SORCS2: variants seen among roughly 807,000 people sequenced by gnomAD.
The protein encoded by SORCS2 is sortilin related VPS10 domain containing receptor 2.
In SORCS2, 100 loss-of-function variants were observed where a neutral mutation model predicts 141.6. That is an observed-to-expected ratio of 0.71 (90% CI 0.60 to 0.83). The LOEUF is 0.83. Among genes scored for constraint, SORCS2 ranks in the 40% least tolerant of loss-of-function variants. The pLI, the probability that SORCS2 is intolerant of heterozygous loss-of-function variation, is 0.00. For synonymous variants in SORCS2, 789 were observed against 676.9 expected (o/e 1.17, Z -2.57); for missense variants, 1,646 against 1,560.2 (o/e 1.05, Z -0.93).
chr4:7,262,707 G>A (rs1221831099), intron 1 of SORCS2, among the ~76,000 whole-genome samples: 1 of 152,220 alleles, frequency 6.6e-6, no homozygotes, highest in East Asian at 1.9e-4. Flanking sequence ...CCATCCTGCT[G>A]AGGGTTCCCA....
chr4:7,505,056 G>A (rs1054132727), intron 2 of SORCS2, among the ~76,000 whole-genome samples: 3 of 152,216 alleles, frequency 2.0e-5, no homozygotes, highest in African/African-American at 2.4e-5. Context: ...AACCTGGAGC[G>A]CCGGGAGGGA....
intron 1 of SORCS2, among the ~76,000 whole-genome samples, chr4:7,249,856 A>T (rs1173082450): frequency 6.6e-6 from 1 of 152,122 alleles, no homozygotes; most frequent in Admixed American, 6.5e-5. Flanking sequence ...GGATTTATCC[A>T]CTCAGATTTG....
intron 1 of SORCS2, among the ~76,000 whole-genome samples, chr4:7,240,271 C>T (rs1471231503): frequency 2.0e-5 from 3 of 152,160 alleles, no homozygotes; most frequent in South Asian, 2.1e-4. Flanking sequence ...TCACCTCCTC[C>T]GGAAGAAGAG....
intron 2 of SORCS2, among the ~76,000 whole-genome samples, chr4:7,442,912 C>T (rs896777552): frequency 3.9e-5 from 6 of 152,060 alleles, no homozygotes; most frequent in African/African-American, 9.7e-5. Context: ...GTGCTCCCTC[C>T]GAAGGCTGCG....
intron 2 of SORCS2, among the ~76,000 whole-genome samples, chr4:7,523,594 C>A (rs1044087830): frequency 6.6e-6 from 1 of 152,036 alleles, no homozygotes; most frequent in Non-Finnish European, 1.5e-5. Flanking sequence ...GGTGGCAGCA[C>A]CCCTTCCCTC....
At chr4:7,420,854 A>T (rs1424741583) in intron 2 of SORCS2, among the ~76,000 whole-genome samples, 1 of 151,900 alleles carries the variant, frequency 6.6e-6, no homozygotes, top group African/African-American at 2.4e-5. Flanking sequence ...GCTTGATGCC[A>T]CTCAAAGCTT....
intron 2 of SORCS2, among the ~76,000 whole-genome samples, chr4:7,513,962 T>C (rs912415109): frequency 6.6e-6 from 1 of 152,160 alleles, no homozygotes; most frequent in African/African-American, 2.4e-5. Context: ...GGCTGTGGAA[T>C]GTGGGTGGCT....
At chr4:7,389,357 C>T (rs570110718) in intron 1 of SORCS2, among the ~76,000 whole-genome samples, 83 of 152,218 alleles carry the variant, frequency 5.5e-4, no homozygotes, top group East Asian at 7.8e-4. Flanking sequence ...GCCTGAGTGA[C>T]GTGACCCGTA....
chr4:7,311,792 C>T (rs748802829), intron 1 of SORCS2, among the ~76,000 whole-genome samples: 1 of 152,054 alleles, frequency 6.6e-6, no homozygotes, highest in Non-Finnish European at 1.5e-5. Flanking sequence ...GCAGGATATG[C>T]GTCCTTTATC....
chr4:7,366,456 C>T (rs1023933145), intron 1 of SORCS2, among the ~76,000 whole-genome samples: 2 of 121,928 alleles, frequency 1.6e-5, no homozygotes, highest in African/African-American at 6.1e-5. Context: ...ACGGTGGATG[C>T]CCCCTTTAGC....
chr4:7,601,501 C>T (rs1262607113), intron 3 of SORCS2, among the ~76,000 whole-genome samples: 1 of 151,430 alleles, frequency 6.6e-6, no homozygotes, highest in Admixed American at 6.6e-5. Flanking sequence ...TGCCCGTAGT[C>T]CCAGCTACTC....
intron 1 of SORCS2, among the ~76,000 whole-genome samples, chr4:7,291,818 G>T (rs966064915): frequency 6.6e-6 from 1 of 152,252 alleles, no homozygotes; most frequent in African/African-American, 2.4e-5. Flanking sequence ...GATATGCAAA[G>T]AGGAAGGTCT....
intron 10 of SORCS2, among the ~76,000 whole-genome samples, chr4:7,686,654 G>A (rs1723895347): frequency 6.6e-6 from 1 of 152,232 alleles, no homozygotes; most frequent in African/African-American, 2.4e-5. Flanking sequence ...CGGGTTCTGG[G>A]GCTCCTGATG....
At chr4:7,370,164 T>C (rs1441286882) in intron 1 of SORCS2, among the ~76,000 whole-genome samples, 1 of 152,158 alleles carries the variant, frequency 6.6e-6, no homozygotes, top group East Asian at 1.9e-4. Context: ...CCCTGGGCTC[T>C]TCCTGGGGGA....
chr4:7,236,502 C>A (rs1287664987), intron 1 of SORCS2, among the ~76,000 whole-genome samples: 1 of 152,118 alleles, frequency 6.6e-6, no homozygotes, highest in Non-Finnish European at 1.5e-5. Flanking sequence ...TGAGGGGCAT[C>A]GGAGAGAATA....
chr4:7,737,992 C>A (rs1177515590), intron 26 of SORCS2, among the ~76,000 whole-genome samples: 1 of 152,252 alleles, frequency 6.6e-6, no homozygotes, highest in African/African-American at 2.4e-5. Context: ...CGGCTGACTT[C>A]CAAGAGCATG....
At chr4:7,521,324 C>T (rs902157839) in intron 2 of SORCS2, among the ~76,000 whole-genome samples, 16 of 152,154 alleles carry the variant, frequency 1.1e-4, no homozygotes, top group East Asian at 3.8e-4. Flanking sequence ...AGGGTCTCCT[C>T]GTCCCTAACA....
At chr4:7,253,013 G>A (rs1382708338) in intron 1 of SORCS2, among the ~76,000 whole-genome samples, 8 of 152,238 alleles carry the variant, frequency 5.3e-5, no homozygotes, top group Admixed American at 4.6e-4. Flanking sequence ...GCCACAGCTT[G>A]GACCCCTGAC....
intron 3 of SORCS2, among the ~76,000 whole-genome samples, chr4:7,623,843 C>A (rs56151596): frequency 6.6e-6 from 1 of 152,152 alleles, no homozygotes; most frequent in Non-Finnish European, 1.5e-5. Context: ...GCTCCACCCC[C>A]AGCCCTGGTT....
Sources: gnomAD v4.1 joint callset for allele counts (sites outside exome capture counted in the v4.1 genomes callset) on GRCh38, gnomAD v4.1.1 for gene constraint, MANE v1.5 for transcripts, NCBI Gene and HGNC (gene_info 2026-07-23, HGNC 2026-07-21) for gene names.